KNTC1: variants seen among roughly 807,000 people sequenced by gnomAD.
KNTC1 encodes the protein kinetochore associated 1.
A neutral mutation model predicts 314.4 loss-of-function variants in KNTC1; 253 were observed. That is an observed-to-expected ratio of 0.80 (90% confidence interval 0.73 to 0.89). The LOEUF (loss-of-function observed/expected upper bound fraction) is 0.89, where lower values mean the gene tolerates loss of function less well. Among genes scored for constraint, KNTC1 ranks in the 40% least tolerant of loss-of-function variants. The probability of loss-of-function intolerance (pLI) is 0.00; values close to 1 mark genes in which losing one functional copy is unlikely to be tolerated. For missense variants in KNTC1, 2,475 were observed against 2,572.9 expected (o/e 0.96, Z 0.82); for synonymous variants, 901 against 901.4 (o/e 1.00, Z 0.01).
At chr12:122,539,777 T>A in intron 5 of KNTC1, 23 bp downstream of exon 5, 1 of 1,469,628 alleles carries the variant, frequency 6.8e-7, no homozygotes, top group Non-Finnish European at 9.1e-7. Flanking sequence ...GAATTTTTTT[T>A]TGAATGACTT....
chr12:122,564,334 ATAAATT>A (rs760431572), intron 20 of KNTC1, among the ~76,000 whole-genome samples: 2 of 152,222 alleles, frequency 1.3e-5, no homozygotes, highest in Non-Finnish European at 2.9e-5. Context: ...CAACAATAAA[ATAAATT>A]TAAAATATAA....
intron 8 of KNTC1, among the ~76,000 whole-genome samples, chr12:122,544,904 T>C (rs1245987479): frequency 6.6e-6 from 1 of 152,210 alleles, no homozygotes; most frequent in South Asian, 2.1e-4. Context: ...GTGTCTTTGA[T>C]GTAATGCCTG....
intron 40 of KNTC1, among the ~76,000 whole-genome samples, chr12:122,589,815 G>A (rs918363146): frequency 5.9e-5 from 7 of 118,368 alleles, no homozygotes; most frequent in East Asian, 5.1e-4. Flanking sequence ...ACGGAGTCTC[G>A]CACTCTCATC....
Position 122,547,897 on chromosome 12 carries a change from G to GGTTCTTATTTAAAT in KNTC1, c.933-12_933-11insATTTAAATGTTCTT. ...TAAAAGTTTACTTGAATTATTTAAAGGTTCTTTTCTCTTTTAGGCAAGGAA... is the reference window on the plus strand; with the variant it reads ...TAAAAGTTTACTTGAATTATTTAAAGGTTCTTATTTAAATGTTCTTTTCTCTTTTAGGCAAGGAA... On this transcript the variant is annotated splice_polypyrimidine_tract_variant and intron_variant, in intron 11 of 63. Coordinates refer to ENST00000333479, the MANE Select transcript of KNTC1 (RefSeq NM_014708.6). 1 of 1,419,324 alleles carries GGTTCTTATTTAAAT rather than the reference G, an allele frequency of 7.0e-7. No individual in the cohort carries two copies. The highest frequency in any genetic ancestry group is 9.5e-7 in the Non-Finnish European group (1 of 1,052,114). The allele number at this position is 1,419,324 out of a possible 1,614,324, so 87.9% of individuals were successfully genotyped here.
intron 27 of KNTC1, among the ~76,000 whole-genome samples, 160 bp from the exon 28 acceptor site, chr12:122,575,383 A>T (rs1045172312): frequency 2.0e-5 from 3 of 152,244 alleles, no homozygotes; most frequent in African/African-American, 2.4e-5. Context: ...TGTTCTCTAT[A>T]TGTGAAAACT....
intron 35 of KNTC1, 129 bp downstream of exon 35, chr12:122,584,579 G>A (rs1200575053): frequency 1.6e-5 from 10 of 630,112 alleles, no homozygotes; most frequent in Non-Finnish European, 2.4e-5. Flanking sequence ...ATTTCACAAA[G>A]GGATGCTTAT....
chr12:122,595,202 G>A lies in KNTC1; in HGVS notation c.4355+817G>A, dbSNP rs1870873840. Among the ~76,000 whole-genome samples, 3 of 152,208 alleles carry A rather than the reference G, an allele frequency of 2.0e-5. No homozygotes were observed. In the South Asian group the frequency reaches 6.2e-4, roughly 32 times the overall value. On this transcript the variant is annotated intron_variant, in intron 43 of 63. Coordinates refer to ENST00000333479, the MANE Select transcript of KNTC1 (RefSeq NM_014708.6). ...AGAATTTTTAGAACTAAGATAAAAT[G>A]TGTTATTTATAGATTCCGCTGACTT...
Position 122,568,377 on chromosome 12 carries a change from C to T in KNTC1, c.1716+5C>T. 2 of 1,499,136 alleles carry T rather than the reference C, an allele frequency of 1.3e-6. No individual in the cohort carries two copies. The highest frequency in any genetic ancestry group is 1.9e-6 in the Non-Finnish European group (2 of 1,077,092). 92.9% of individuals were successfully genotyped at this position (1,499,136 alleles called of 1,614,324 possible). On this transcript the variant is annotated splice_donor_5th_base_variant and intron_variant, in intron 21 of 63. Transcript: ENST00000333479. ...TATCTTTGGCTTCGACATCGGGTAA[C>T]ATGTTTTACATTTTTTCCTTAACAG...
intron 31 of KNTC1, among the ~76,000 whole-genome samples, chr12:122,578,949 G>A (rs1965208601): frequency 6.8e-6 from 1 of 146,326 alleles, no homozygotes. Context: ...AAATATGAAA[G>A]TAAATGACTT....
rs1962386251 is a variant in KNTC1 at position 122,542,102 on chromosome 12, C to T, written c.498C>T (p.Asn166=). ...ACAGTGGATTTTTTTGTATTACAAACCTTCAGCTTTTAAAAATTCAACAAG... is the reference window on the plus strand; with the variant it reads ...ACAGTGGATTTTTTTGTATTACAAATCTTCAGCTTTTAAAAATTCAACAAG... The part of the protein sequence containing the change: ...LTYSGFFCIT[N]LQLLKIQQAI... Residue 166 remains asparagine (N), a synonymous_variant, in exon 6 of 64, where the codon AAC becomes AAT. Transcript: ENST00000333479. The T allele has an allele frequency of 1.3e-6, 2 of 1,524,184 alleles. No homozygotes were observed. The highest frequency in any genetic ancestry group is 1.8e-6 in the Non-Finnish European group (2 of 1,116,998). The allele number at this position is 1,524,184 out of a possible 1,614,324, so 94.4% of individuals were successfully genotyped here. A position where few individuals can be genotyped will look rare whatever the true frequency, so the allele number is the denominator to read the frequency against.
rs1307858165 is a variant in KNTC1, at chr12:122,624,590, T to C, written c.6516-8T>C. The C allele has an allele frequency of 6.2e-7, 1 of 1,605,682 alleles. No homozygotes were observed. The highest frequency in any genetic ancestry group is 1.3e-5 in the African/African-American group (1 of 74,688). On this transcript the variant is annotated splice_region_variant and splice_polypyrimidine_tract_variant and intron_variant, in intron 62 of 63. Transcript: ENST00000333479. ...GCCTAACACTTCTTTTTCTTTTTGATTTTGTAGTTTAGATGAAGCTTCAGT... is the reference window on the plus strand; with the variant it reads ...GCCTAACACTTCTTTTTCTTTTTGACTTTGTAGTTTAGATGAAGCTTCAGT...
chr12:122,544,585 ACATTATTGCAG>A (rs1413962321), intron 8 of KNTC1, among the ~76,000 whole-genome samples: 1 of 152,196 alleles, frequency 6.6e-6, no homozygotes, highest in African/African-American at 2.4e-5. Context: ...GAAAAACAGC[ACATTATTGCAG>A]CTGTCTTGAA....
Position 122,590,610 on chromosome 12 carries a change from TTTAA to T in KNTC1, c.4006_4009del (p.Asn1336ValfsTer4). ...TTTTGCTGGTTTCTTCCTGTAGGTA[TTTAA>T]TTGTCGCTTGGTAGATCTTGACCTG... On this transcript the variant is annotated frameshift_variant, in exon 41 of 64. Transcript: ENST00000333479. 8 of 1,611,510 alleles carry T rather than the reference TTTAA, an allele frequency of 5.0e-6. No individual in the cohort carries two copies. The highest frequency in any genetic ancestry group is 5.1e-6 in the Non-Finnish European group (6 of 1,178,560).
At chr12:122,588,413 ACT>A (rs1388069813) in intron 39 of KNTC1, among the ~76,000 whole-genome samples, 1 of 152,026 alleles carries the variant, frequency 6.6e-6, no homozygotes, top group African/African-American at 2.4e-5. Flanking sequence ...TTAAATGCTG[ACT>A]CTTTTTTAAT....
At chr12:122,575,066 G>T (rs1012448696) in intron 27 of KNTC1, among the ~76,000 whole-genome samples, 3 of 152,178 alleles carry the variant, frequency 2.0e-5, no homozygotes, top group African/African-American at 7.2e-5. Context: ...TTTGAGACCT[G>T]CCTGGGCAAC....
chr12:122,591,503 G>A lies in KNTC1; in HGVS notation c.4245+50G>A, dbSNP rs764298476. 5 of 965,538 alleles carry A rather than the reference G, an allele frequency of 5.2e-6. No homozygotes were observed. The African/African-American group carries it at 8.2e-5, about 16-fold the overall frequency. The allele number at this position is 965,538 out of a possible 1,614,324, so 59.8% of individuals were successfully genotyped here. A position where few individuals can be genotyped will look rare whatever the true frequency, so the allele number is the denominator to read the frequency against. On this transcript the variant is annotated intron_variant, in intron 42 of 63. Transcript: ENST00000333479. ...ATCGATTCTGTTAATTACCCGGTTG[G>A]AAAATTTAAAACAAAGATTCTGTTG...
At chr12:122,583,856 C>T (rs950131000) in intron 34 of KNTC1, among the ~76,000 whole-genome samples, 7 of 152,218 alleles carry the variant, frequency 4.6e-5, no homozygotes, top group Admixed American at 1.3e-4. Context: ...GGCACGGTGA[C>T]TCACACCTGT....
At chr12:122,577,247 G>T (rs1167329276) in intron 30 of KNTC1, among the ~76,000 whole-genome samples, 1 of 151,974 alleles carries the variant, frequency 6.6e-6, no homozygotes. Flanking sequence ...ACCATGCTTG[G>T]CCTGTTGTGT....
chr12:122,580,466 C>T (rs1011176775), intron 32 of KNTC1, 137 bp from the exon 33 acceptor site: 1 of 545,804 alleles, frequency 1.8e-6, no homozygotes, highest in African/African-American at 2.0e-5. Context: ...TACTTAGTTA[C>T]TGTATATTAT....
Sources: gnomAD v4.1 joint callset for allele counts (sites outside exome capture counted in the v4.1 genomes callset) on GRCh38, gnomAD v4.1.1 for gene constraint, MANE v1.5 for transcripts, NCBI Gene and HGNC (gene_info 2026-07-23, HGNC 2026-07-21) for gene names.